Variants in CDH17 observed in about 807,000 individuals in gnomAD.
CDH17 encodes the protein cadherin-17.
Under a neutral mutation model 86.3 loss-of-function variants are expected in CDH17, and 67 were observed. The ratio of observed to expected loss-of-function variants is 0.78; its 90% confidence interval spans 0.64 to 0.95. CDH17 has a LOEUF of 0.95. Ranked by LOEUF, CDH17 falls within the 40% of genes least tolerant of loss-of-function variation. The pLI is 0.00. For missense variants in CDH17, 993 were observed against 1,017.6 expected (o/e 0.98, Z 0.33); for synonymous variants, 367 against 366.4 (o/e 1.00, Z -0.02).
rs541904186 is a variant in CDH17, at chr8:94,161,169, G to A, written c.1359+917C>T. On this transcript the variant is annotated intron_variant, in intron 11 of 17. Coordinates refer to ENST00000027335, the MANE Select transcript of CDH17 (RefSeq NM_004063.4). Reference sequence around the variant, plus strand: ...AAAAAACACTGTCTCGATAAAAGGCGAGGAGGTCACAAAGTTAGGAAAGGA... The same window carrying A: ...AAAAAACACTGTCTCGATAAAAGGCAAGGAGGTCACAAAGTTAGGAAAGGA... Among the ~76,000 whole-genome samples the A allele has an allele frequency of 1.1e-4, 16 of 152,300 alleles. 1 individual carries two copies. The South Asian group carries it at 2.5e-3, about 24-fold the overall frequency.
chr8:94,136,728 T>G (rs1812537297), intron 15 of CDH17, among the ~76,000 whole-genome samples: 2 of 152,200 alleles, frequency 1.3e-5, no homozygotes, highest in Admixed American at 6.5e-5. Context: ...GGCATTCTGG[T>G]TTTTAGAATT....
Position 94,151,986 on chromosome 8 carries a change from C to T in CDH17, c.1678G>A (p.Val560Met). The change falls in exon 13 of 18, where the codon GTG becomes ATG. Residue 560 changes from valine to methionine, a missense_variant. Transcript: ENST00000027335. ...FAKFTLIVTD[V>M]NEAPQFSQHV... ...TGGGAAAATTGAGGTGCTTCATTCA[C>T]ATCTGTCACAATAAGCGTGAACTTG... 6.2e-7 allele frequency: 1 copy of T among 1,614,210 alleles called. No individual in the cohort carries two copies. The highest frequency in any genetic ancestry group is 8.5e-7 in the Non-Finnish European group (1 of 1,180,026).
chr8:94,144,932 A>G (rs996491650), intron 15 of CDH17, among the ~76,000 whole-genome samples: 1 of 152,186 alleles, frequency 6.6e-6, no homozygotes, highest in Non-Finnish European at 1.5e-5. Context: ...TCATTAGAGA[A>G]ATACAAATAA....
In CDH17 at chr8:94,177,668, G is replaced by T. The variant is rs1002731918; in HGVS notation, c.204C>A (p.Asn68Lys). ...VTFELTGETD[N>K]IFVIEREGLL... ...GTCCCTCCCGTTCTATCACAAATAT[G>T]TTGTCTGTCTCCCCAGTTAGTTCAA... The change falls in exon 4 of 18, where the codon AAC (asparagine) becomes AAA (lysine). Residue 68 changes from asparagine (N) to lysine (K), a missense_variant. Physicochemically the swap from Asn to Lys is moderately conservative, Grantham distance 94. Transcript: ENST00000027335. The T allele has an allele frequency of 1.9e-6, 3 of 1,613,636 alleles. No individual in the cohort carries two copies. The highest frequency in any genetic ancestry group is 2.5e-6 in the Non-Finnish European group (3 of 1,179,738).
intron 10 of CDH17, among the ~76,000 whole-genome samples, chr8:94,164,504 A>G (rs1013931926): frequency 6.6e-6 from 1 of 152,218 alleles, no homozygotes; most frequent in Non-Finnish European, 1.5e-5. Flanking sequence ...TTATACTTAC[A>G]TCTGTTCTAT....
chr8:94,129,196 G>T lies in CDH17; in HGVS notation c.2399-856C>A, dbSNP rs371179716. On this transcript the variant is annotated intron_variant, in intron 17 of 17. Transcript: ENST00000027335. ...ATTAAATTGATACGTTAAGAAAATT[G>T]CTATCTGATTTGTAAATTCAAAAAT... 4.6e-5 allele frequency among the ~76,000 whole-genome samples: 7 copies of T among 152,282 alleles called. No individual in the cohort carries two copies. In the East Asian group the frequency reaches 7.7e-4, roughly 17 times the overall value.
At chr8:94,139,626 C>T (rs2130580643) in intron 15 of CDH17, among the ~76,000 whole-genome samples, 1 of 152,198 alleles carries the variant, frequency 6.6e-6, no homozygotes, top group South Asian at 2.1e-4. Flanking sequence ...GGGCAGGGCA[C>T]CCCCGGTGGC....
chr8:94,157,999 G>C (rs1812978517), intron 12 of CDH17, among the ~76,000 whole-genome samples: 1 of 152,244 alleles, frequency 6.6e-6, no homozygotes, highest in East Asian at 1.9e-4. Flanking sequence ...GAGTTCCAGG[G>C]CTCAGTTCTG....
At chr8:94,186,905 C>T (rs553410159) in intron 3 of CDH17, among the ~76,000 whole-genome samples, 2 of 152,312 alleles carry the variant, frequency 1.3e-5, no homozygotes, top group South Asian at 4.1e-4. Flanking sequence ...CCTTTGACTG[C>T]ATCCTGTCTC....
intron 1 of CDH17, among the ~76,000 whole-genome samples, chr8:94,216,453 C>G (rs1248242601): frequency 6.6e-6 from 1 of 152,002 alleles, no homozygotes; most frequent in Non-Finnish European, 1.5e-5. Flanking sequence ...GGGAGGAGGC[C>G]GGCGGAGGAC....
chr8:94,177,581 A>G lies in CDH17; in HGVS notation c.285+6T>C, dbSNP rs781475472. 55 of 1,613,516 alleles carry G rather than the reference A, an allele frequency of 3.4e-5. No homozygotes were observed. Among genetic ancestry groups the G allele is most frequent in the Non-Finnish European group, 4.3e-5 (51 of 1,179,710 alleles). ...AGTTAGATCCCTTCAGCTGGTATCA[A>G]TTTACCTGGAGATTGTGAGTAGATC... On this transcript the variant is annotated splice_donor_region_variant and intron_variant, in intron 4 of 17. Coordinates refer to ENST00000027335, the MANE Select transcript of CDH17 (RefSeq NM_004063.4).
chr8:94,190,788 G>T (rs1218784969), intron 2 of CDH17, among the ~76,000 whole-genome samples: 1 of 152,208 alleles, frequency 6.6e-6, no homozygotes, highest in Non-Finnish European at 1.5e-5. Context: ...ACTGCTCCCT[G>T]CTGGGAATAC....
chr8:94,152,202 C>T (rs1278488378), intron 12 of CDH17, 90 bp from the exon 13 acceptor site: 21 of 1,375,598 alleles, frequency 1.5e-5, no homozygotes, highest in South Asian at 1.1e-4. Context: ...CTCATATATT[C>T]GATATATAAT....
intron 3 of CDH17, among the ~76,000 whole-genome samples, chr8:94,180,961 C>A (rs866228216): frequency 0.016 from 1,871 of 114,178 alleles, 16 homozygotes; most frequent in Non-Finnish European, 0.024. Context: ...AAAAAAAAAA[C>A]AAAGTGCTGA....
rs367981877 is a variant in CDH17, at chr8:94,144,100, T to G, written c.2167+1828A>C. Among the ~76,000 whole-genome samples the G allele has an allele frequency of 6.0e-4, 92 of 152,294 alleles. 2 individuals carry two copies. In the South Asian group the frequency reaches 0.018, roughly 31 times the overall value. On this transcript the variant is annotated intron_variant, in intron 15 of 17. Coordinates refer to ENST00000027335, the MANE Select transcript of CDH17 (RefSeq NM_004063.4). ...AAAGTGAGAGATGTGTGACTCTTCCTTTCACCTGAACACTTACATGCCATT... is the reference window on the plus strand; with the variant it reads ...AAAGTGAGAGATGTGTGACTCTTCCGTTCACCTGAACACTTACATGCCATT...
At chr8:94,167,323 T>C (rs755503635) in intron 9 of CDH17, among the ~76,000 whole-genome samples, 6 of 152,148 alleles carry the variant, frequency 3.9e-5, no homozygotes, top group Non-Finnish European at 8.8e-5. Context: ...TCTCTTTATA[T>C]GTAGCAAGAA....
At chr8:94,197,851 A>G (rs1813818254) in intron 1 of CDH17, among the ~76,000 whole-genome samples, 1 of 151,482 alleles carries the variant, frequency 6.6e-6, no homozygotes, top group Non-Finnish European at 1.5e-5. Flanking sequence ...AAAAAAAAGA[A>G]AAAAAGAAAA....
At chr8:94,136,678 C>T (rs943358257) in intron 15 of CDH17, among the ~76,000 whole-genome samples, 8 of 152,332 alleles carry the variant, frequency 5.3e-5, no homozygotes, top group East Asian at 1.9e-4. Flanking sequence ...CAGCTTTGTT[C>T]CGTTGCTGGC....
In CDH17 at chr8:94,174,127, C is replaced by T. The variant is rs1247958190; in HGVS notation, c.558G>A (p.Thr186=). ...NVMYFQINNK[T]GAISLTREGS... is the part of the protein sequence containing the mutation. Reference sequence around the variant, plus strand: ...CCTCTCGGGTAAGAGAGATGGCTCCCGTTTTGTTGTTGATCTGAAAGTACA... The same window carrying T: ...CCTCTCGGGTAAGAGAGATGGCTCCTGTTTTGTTGTTGATCTGAAAGTACA... Residue 186 remains threonine (T), a synonymous_variant, in exon 6 of 18, where the codon ACG becomes ACA. Transcript: ENST00000027335. 14 of 1,613,578 alleles carry T rather than the reference C, an allele frequency of 8.7e-6. No individual in the cohort carries two copies. The highest frequency in any genetic ancestry group is 2.2e-5 in the South Asian group (2 of 91,030).
Sources: gnomAD v4.1 joint callset for allele counts (sites outside exome capture counted in the v4.1 genomes callset) on GRCh38, gnomAD v4.1.1 for gene constraint, MANE v1.5 for transcripts, NCBI Gene and HGNC (gene_info 2026-07-23, HGNC 2026-07-21) for gene names.